Variants in LACTB2 observed in about 807,000 individuals in gnomAD.
LACTB2 encodes the protein endoribonuclease LACTB2.
A neutral mutation model predicts 34.8 loss-of-function variants in LACTB2; 32 were observed. The ratio of observed to expected loss-of-function variants is 0.92; its 90% CI spans 0.69 to 1.24. LACTB2 has a LOEUF of 1.24. Among genes scored for constraint, LACTB2 ranks in the 50% most tolerant of loss-of-function variants. The pLI, the probability that LACTB2 is intolerant of heterozygous loss-of-function variation, is 0.00. For missense variants in LACTB2, 320 were observed against 345.0 expected, an observed-to-expected ratio of 0.93 and a Z score of 0.57; for synonymous variants, 120 against 117.5, an observed-to-expected ratio of 1.02 and a Z score of -0.14.
intron 1 of LACTB2, among the ~76,000 whole-genome samples, chr8:70,666,191 A>G (rs1818531450): frequency 6.6e-6 from 1 of 152,224 alleles, no homozygotes; most frequent in Non-Finnish European, 1.5e-5. Context: ...TGCTGGGGAT[A>G]TAGCCATGAA....
chr8:70,637,943 A>G lies in LACTB2; in HGVS notation c.824-40T>C, dbSNP rs746969284. The stretch of plus-strand genomic sequence containing the variant: ...TCAGAGAGTAAAAATTTAACAATAG[A>G]TAAGTAAATGCACTGAATTTTAAGT... On this transcript the variant is annotated intron_variant, in intron 6 of 6. Coordinates refer to ENST00000276590, the MANE Select transcript of LACTB2 (RefSeq NM_016027.3). The G allele has an allele frequency of 5.9e-6, 7 of 1,187,312 alleles. No individual in the cohort carries two copies. The Admixed American group carries it at 6.8e-5, about 12-fold the overall frequency. 73.5% of individuals were successfully genotyped at this position (1,187,312 alleles called of 1,614,324 possible). A position where few individuals can be genotyped will look rare whatever the true frequency, so the allele number is the denominator to read the frequency against.
intron 3 of LACTB2, among the ~76,000 whole-genome samples, chr8:70,650,132 G>C (rs1028966645): frequency 5.3e-5 from 8 of 152,078 alleles, no homozygotes; most frequent in Non-Finnish European, 1.0e-4. Context: ...ACAGGTATGA[G>C]CCACCATGCC....
intron 2 of LACTB2, chr8:70,660,488 T>C: frequency 5.1e-6 from 2 of 391,442 alleles, no homozygotes; most frequent in Admixed American, 3.0e-5. Flanking sequence ...GATGTCCCAA[T>C]TGTAGTCACA....
chr8:70,666,320 G>A (rs1818532723), intron 1 of LACTB2, among the ~76,000 whole-genome samples: 1 of 152,194 alleles, frequency 6.6e-6, no homozygotes, highest in African/African-American at 2.4e-5. Flanking sequence ...AGTATGGAGT[G>A]TCCCTAATAC....
intron 2 of LACTB2, chr8:70,660,554 A>G (rs952971799): frequency 2.2e-6 from 1 of 453,538 alleles, no homozygotes; most frequent in African/African-American, 2.0e-5. Flanking sequence ...CAATGTAAAT[A>G]AGCATGAATG....
rs1818234644 is a variant in LACTB2 at position 70,644,189 on chromosome 8, C to T, written c.468G>A (p.Glu156=). Residue 156 remains glutamate, a synonymous_variant, in exon 4 of 7, where the codon GAG becomes GAA. Coordinates refer to ENST00000276590, the MANE Select transcript of LACTB2 (RefSeq NM_016027.3). ...AATCTCCAGAAAAGATAGCATTTTCCTCTTCTAAGAGTAGAGCCATGTGAT... is the reference window on the plus strand; with the variant it reads ...AATCTCCAGAAAAGATAGCATTTTCTTCTTCTAAGAGTAGAGCCATGTGAT... ...TDDHMALLLE[E]ENAIFSGDCI... The T allele has an allele frequency of 4.3e-6, 7 of 1,612,972 alleles. No homozygotes were observed. The highest frequency in any genetic ancestry group is 5.9e-6 in the Non-Finnish European group (7 of 1,179,410).
chr8:70,659,191 G>A (rs921981910), intron 2 of LACTB2, among the ~76,000 whole-genome samples: 1 of 151,974 alleles, frequency 6.6e-6, no homozygotes, highest in African/African-American at 2.4e-5. Flanking sequence ...TACAAAATAG[G>A]AGAATTTAAA....
chr8:70,668,052 G>T (rs1219957221), intron 1 of LACTB2, among the ~76,000 whole-genome samples: 1 of 152,120 alleles, frequency 6.6e-6, no homozygotes, highest in East Asian at 1.9e-4. Context: ...TATTTACTCT[G>T]AACTTAATCT....
chr8:70,643,208 C>CATTTTT (rs1818221357), intron 4 of LACTB2, among the ~76,000 whole-genome samples: 2 of 76,194 alleles, frequency 2.6e-5, no homozygotes, highest in Non-Finnish European at 2.5e-5. Flanking sequence ...GTGTATTTTC[C>CATTTTT]TTTTTTTTTT....
At position 70,669,055 on chromosome 8, in the gene LACTB2, G is replaced by C; in HGVS notation, c.66C>G (p.Asn22Lys). 2 of 1,612,224 alleles carry C rather than the reference G, an allele frequency of 1.2e-6. No individual in the cohort carries two copies. The highest frequency in any genetic ancestry group is 1.7e-6 in the Non-Finnish European group (2 of 1,179,448). The stretch of plus-strand genomic sequence containing the variant: ...TGCCTTGGAGGGTCATGGGACCCGG[G>C]TTACAGCCCAACACACGCACGACTC... Reference protein sequence around the residue: ...SNRVVRVLGCNPGPMTLQGTN... With the variant: ...SNRVVRVLGCKPGPMTLQGTN... Residue 22 changes from asparagine to lysine, a missense_variant, in exon 1 of 7, where the codon AAC (asparagine) becomes AAG (lysine). Coordinates refer to ENST00000276590, the MANE Select transcript of LACTB2 (RefSeq NM_016027.3).
intron 3 of LACTB2, among the ~76,000 whole-genome samples, chr8:70,647,903 T>C (rs533217162): frequency 6.6e-6 from 1 of 152,210 alleles, no homozygotes; most frequent in African/African-American, 2.4e-5. Flanking sequence ...GGTTTAATCT[T>C]TGAAGAGGGT....
chr8:70,641,615 T>C (rs1312162756), intron 4 of LACTB2, among the ~76,000 whole-genome samples: 3 of 152,162 alleles, frequency 2.0e-5, no homozygotes, highest in Non-Finnish European at 2.9e-5. Context: ...AAGGACAATG[T>C]AAAAAGCAGT....
intron 3 of LACTB2, among the ~76,000 whole-genome samples, chr8:70,651,139 C>G (rs753059851): frequency 3.3e-5 from 5 of 151,902 alleles, no homozygotes; most frequent in Non-Finnish European, 7.4e-5. Context: ...ACTGTAAAGA[C>G]TTTAAAAAGT....
intron 4 of LACTB2, among the ~76,000 whole-genome samples, chr8:70,642,566 C>T (rs1196802961): frequency 6.8e-6 from 1 of 147,524 alleles, no homozygotes; most frequent in Non-Finnish European, 1.5e-5. Flanking sequence ...TCACTACAAC[C>T]TCTGCCTCCC....
chr8:70,655,699 C>T (rs942758046), intron 3 of LACTB2, among the ~76,000 whole-genome samples: 3 of 152,124 alleles, frequency 2.0e-5, no homozygotes, highest in Non-Finnish European at 4.4e-5. Context: ...ACTTCTTTTC[C>T]TCTGGGTAGA....
intron 6 of LACTB2, 22 bp from the exon 7 acceptor site, chr8:70,637,925 G>A: frequency 6.9e-7 from 1 of 1,456,690 alleles, no homozygotes; most frequent in Non-Finnish European, 9.3e-7. Flanking sequence ...AAATCAGAGA[G>A]TAAAAATTTA....
intron 3 of LACTB2, among the ~76,000 whole-genome samples, chr8:70,655,733 T>C (rs1489223991): frequency 6.6e-6 from 1 of 152,224 alleles, no homozygotes; most frequent in Non-Finnish European, 1.5e-5. Context: ...GATTGCTGGA[T>C]CAAATGGTAG....
chr8:70,637,967 G>T, intron 6 of LACTB2, 64 bp from the exon 7 acceptor site: 2 of 883,080 alleles, frequency 2.3e-6, no homozygotes, highest in Admixed American at 5.5e-5. Context: ...TGAATTTTAA[G>T]TTACCTTGTG....
intron 3 of LACTB2, chr8:70,652,394 A>G (rs993948250): frequency 2.6e-5 from 4 of 152,242 alleles, no homozygotes; most frequent in Admixed American, 2.6e-4. Flanking sequence ...AACCACATTC[A>G]TCAGGAAATT....
Sources: gnomAD v4.1 joint callset for allele counts (sites outside exome capture counted in the v4.1 genomes callset) on GRCh38, gnomAD v4.1.1 for gene constraint, MANE v1.5 for transcripts, NCBI Gene and HGNC (gene_info 2026-07-23, HGNC 2026-07-21) for gene names.